KAZN: variants seen among roughly 807,000 people sequenced by gnomAD.
KAZN encodes kazrin, periplakin interacting protein, also known as kazrin.
A neutral mutation model predicts 87.4 loss-of-function variants in KAZN; 40 were observed. The observed-to-expected ratio is 0.46, with a 90% CI of 0.36 to 0.60. The LOEUF (loss-of-function observed/expected upper bound fraction) is 0.60, where lower values mean the gene tolerates loss of function less well. KAZN is among the 20% of genes least tolerant of loss of function. KAZN has a pLI of 0.00. For missense variants in KAZN, 898 were observed against 1,073.9 expected (o/e 0.84, Z 2.29); for synonymous variants, 466 against 458.3 (o/e 1.02, Z -0.22).
At chr1:14,292,580 G>C (rs1027424541) in intron 2 of KAZN, among the ~76,000 whole-genome samples, 1 of 152,202 alleles carries the variant, frequency 6.6e-6, no homozygotes, top group Non-Finnish European at 1.5e-5. Flanking sequence ...CCCACTGCAG[G>C]CATCTGACTT....
rs368543866 is a variant in KAZN at position 14,015,220 on chromosome 1, C to A, written c.91+121464C>A. Among the ~76,000 whole-genome samples the A allele has an allele frequency of 4.6e-5, 7 of 152,056 alleles. No homozygotes were observed. In the East Asian group the frequency reaches 1.2e-3, roughly 25 times the overall value. ...TTATGTGTGTGCCAATAGAGAAAAACGCATTTTGAAGTCACCAGACTTTCC... is the reference window on the plus strand; with the variant it reads ...TTATGTGTGTGCCAATAGAGAAAAAAGCATTTTGAAGTCACCAGACTTTCC... On this transcript the variant is annotated intron_variant, in intron 1 of 16. Transcript: ENST00000636203.
At chr1:14,922,362 T>G (rs909802592) in intron 1 of KAZN, among the ~76,000 whole-genome samples, 3 of 152,158 alleles carry the variant, frequency 2.0e-5, no homozygotes, top group African/African-American at 7.2e-5. Flanking sequence ...ATCATTCTTT[T>G]GTTCTGCTCT....
chr1:14,412,026 C>T (rs753073842), intron 2 of KAZN, among the ~76,000 whole-genome samples: 1 of 152,162 alleles, frequency 6.6e-6, no homozygotes, highest in Non-Finnish European at 1.5e-5. Flanking sequence ...GGCATTCTCC[C>T]GTTTCACTGG....
intron 2 of KAZN, among the ~76,000 whole-genome samples, chr1:14,248,998 C>T (rs1315703277): frequency 6.6e-6 from 1 of 152,184 alleles, no homozygotes; most frequent in East Asian, 1.9e-4. Flanking sequence ...GCTAAGCCCC[C>T]AGCCTTTGTA....
At position 13,925,223 on chromosome 1, in the gene KAZN, C is replaced by T. The variant is rs112915164; in HGVS notation, c.91+31467C>T. ...CGTCTTGCACTTTGCTTAATGTTTT[C>T]GAGTAATTTCAGATACAATCCGTGT... On this transcript the variant is annotated intron_variant, in intron 1 of 16. Transcript: ENST00000636203. Among the ~76,000 whole-genome samples the T allele has an allele frequency of 8.9e-3, 1,361 of 152,264 alleles. 20 individuals are homozygous for T. Among genetic ancestry groups the T allele is most frequent in the African/African-American group, 0.03 (1,256 of 41,544 alleles).
intron 2 of KAZN, among the ~76,000 whole-genome samples, chr1:14,225,830 C>G (rs1009251560): frequency 1.3e-5 from 2 of 152,008 alleles, no homozygotes; most frequent in Admixed American, 6.6e-5. Context: ...GAAACTGGAC[C>G]CTGCATTTCA....
At chr1:14,515,934 T>C (rs1055561276) in intron 2 of KAZN, among the ~76,000 whole-genome samples, 2 of 152,146 alleles carry the variant, frequency 1.3e-5, no homozygotes, top group African/African-American at 2.4e-5. Flanking sequence ...GTAAGCTCCA[T>C]GAGACCACAA....
At chr1:14,797,105 G>T (rs1645852034) in intron 1 of KAZN, among the ~76,000 whole-genome samples, 1 of 152,176 alleles carries the variant, frequency 6.6e-6, no homozygotes, top group Non-Finnish European at 1.5e-5. Context: ...TCGTTGCCCA[G>T]GTTGGAGTGC....
At chr1:13,903,953 G>A (rs1639341716) in intron 1 of KAZN, among the ~76,000 whole-genome samples, 1 of 152,184 alleles carries the variant, frequency 6.6e-6, no homozygotes, top group Non-Finnish European at 1.5e-5. Flanking sequence ...AGCACCAGAA[G>A]CAACAGGTCT....
At chr1:14,281,213 C>T (rs755590557) in intron 2 of KAZN, among the ~76,000 whole-genome samples, 1 of 152,150 alleles carries the variant, frequency 6.6e-6, no homozygotes, top group Non-Finnish European at 1.5e-5. Context: ...AGTTGGGTTT[C>T]CCTGGAAGAA....
At chr1:14,640,054 A>C (rs988811872) in intron 1 of KAZN, among the ~76,000 whole-genome samples, 1 of 152,216 alleles carries the variant, frequency 6.6e-6, no homozygotes, top group African/African-American at 2.4e-5. Flanking sequence ...GGAAATCCAC[A>C]AAAGGTTGTT....
In KAZN at chr1:14,375,813, G is replaced by A. The variant is rs148584814; in HGVS notation, c.249+195221G>A. Among the ~76,000 whole-genome samples the A allele has an allele frequency of 3.8e-3, 583 of 152,218 alleles. 7 individuals carry two copies. Among genetic ancestry groups the A allele is most frequent in the African/African-American group, 0.013 (549 of 41,538 alleles). On this transcript the variant is annotated intron_variant, in intron 2 of 16. Coordinates refer to the KAZN transcript ENST00000636203. ...TGAGGCAGGAGAATGGCATGAACCC[G>A]GGAGGCGGAGCTTGCAGTGAGCGGA...
chr1:14,857,037 G>T (rs1650200639), intron 1 of KAZN, among the ~76,000 whole-genome samples: 1 of 152,198 alleles, frequency 6.6e-6, no homozygotes, highest in African/African-American at 2.4e-5. Context: ...GATGTCAGGG[G>T]AGAGAAGGAA....
At chr1:14,378,054 T>C (rs548195809) in intron 2 of KAZN, among the ~76,000 whole-genome samples, 2 of 152,338 alleles carry the variant, frequency 1.3e-5, no homozygotes, top group South Asian at 4.1e-4. Flanking sequence ...TTCATGTATT[T>C]GTTTATTAAT....
intron 1 of KAZN, among the ~76,000 whole-genome samples, chr1:14,093,277 T>A (rs1049367664): frequency 6.6e-6 from 1 of 152,206 alleles, no homozygotes; most frequent in Admixed American, 6.5e-5. Flanking sequence ...TCATAGCTCC[T>A]TAGACCCATG....
intron 2 of KAZN, among the ~76,000 whole-genome samples, chr1:14,515,457 G>A (rs925356193): frequency 6.6e-6 from 1 of 152,216 alleles, no homozygotes; most frequent in Non-Finnish European, 1.5e-5. Flanking sequence ...CCCACCGTAT[G>A]TGGGAACCAC....
chr1:14,919,990 G>A (rs1012954076), intron 1 of KAZN, among the ~76,000 whole-genome samples: 6 of 152,176 alleles, frequency 3.9e-5, no homozygotes, highest in Admixed American at 6.5e-5. Context: ...TTCCCAGAAC[G>A]TCATTCTGCC....
chr1:14,924,206 A>T, intron 1 of KAZN: 1 of 979,468 alleles, frequency 1.0e-6, no homozygotes, highest in South Asian at 4.7e-5. Context: ...GTCCGGCCGG[A>T]CTGAGAGCCC....
intron 1 of KAZN, among the ~76,000 whole-genome samples, chr1:14,649,632 T>C (rs937380451): frequency 5.3e-5 from 8 of 152,146 alleles, no homozygotes; most frequent in Non-Finnish European, 1.0e-4. Context: ...AGTATCTGCT[T>C]TGAAACAGAC....
Sources: allele counts gnomAD v4.1 joint callset (sites outside exome capture counted in the v4.1 genomes callset), GRCh38; gene constraint gnomAD v4.1.1; transcripts MANE v1.5; gene names NCBI Gene and HGNC (gene_info 2026-07-23, HGNC 2026-07-21).